GATAD2A: variants seen among roughly 807,000 people sequenced by gnomAD.
GATAD2A encodes GATA zinc finger domain containing 2A, also known as transcriptional repressor p66-alpha.
In GATAD2A, 12 loss-of-function variants were observed where a neutral mutation model predicts 68.5. The ratio of observed to expected loss-of-function variants is 0.18; its 90% CI spans 0.11 to 0.28. The LOEUF (loss-of-function observed/expected upper bound fraction) is 0.28, where lower values mean the gene tolerates loss of function less well. GATAD2A is among the 10% of genes least tolerant of loss of function. The pLI, the probability that GATAD2A is intolerant of heterozygous loss-of-function variation, is 1.00. For synonymous variants in GATAD2A, 410 were observed against 375.3 expected (o/e 1.09, Z -1.07); for missense variants, 755 against 868.5 (o/e 0.87, Z 1.64).
chr19:19,387,192 C>T (rs2146779313), intron 1 of GATAD2A, among the ~76,000 whole-genome samples: 1 of 151,984 alleles, frequency 6.6e-6, no homozygotes, highest in African/African-American at 2.4e-5. Context: ...CCCTGGGGAA[C>T]CCCTTCTTCC....
intron 1 of GATAD2A, among the ~76,000 whole-genome samples, chr19:19,411,880 A>T (rs1414693160): frequency 6.6e-6 from 1 of 152,200 alleles, no homozygotes; most frequent in African/African-American, 2.4e-5. Context: ...TGTAACACTC[A>T]GATTGAGGAG....
At chr19:19,451,841 G>T (rs777326215) in intron 1 of GATAD2A, among the ~76,000 whole-genome samples, 2 of 152,204 alleles carry the variant, frequency 1.3e-5, no homozygotes, top group South Asian at 2.1e-4. Context: ...GCAGAAGAAA[G>T]ACTTTTTTTC....
intron 1 of GATAD2A, among the ~76,000 whole-genome samples, chr19:19,417,085 T>C (rs775912270): frequency 6.6e-6 from 1 of 152,208 alleles, no homozygotes; most frequent in Non-Finnish European, 1.5e-5. Flanking sequence ...TTAAAGTTAA[T>C]CCGTTGACAT....
Position 19,495,718 on chromosome 19 carries a change from G to T in GATAD2A, c.625-36G>T, listed in dbSNP as rs74680676. ...CTTTAAAAAAAGTGTGGGGGGGTCCGGTCCATGTAAATCTGGGTCTTGGTA... is the reference window on the plus strand; with the variant it reads ...CTTTAAAAAAAGTGTGGGGGGGTCCTGTCCATGTAAATCTGGGTCTTGGTA... On this transcript the variant is annotated intron_variant, in intron 5 of 11. Transcript: ENST00000683918. 5.8e-5 allele frequency: 92 copies of T among 1,576,344 alleles called. 1 individual carries two copies. Among genetic ancestry groups the T allele is most frequent in the Non-Finnish European group, 7.5e-5 (86 of 1,153,718 alleles).
Position 19,462,424 on chromosome 19 carries a change from T to C in GATAD2A, c.-6-2916T>C, listed in dbSNP as rs73530433. On this transcript the variant is annotated intron_variant, in intron 1 of 11. Coordinates refer to ENST00000683918, the MANE Select transcript of GATAD2A (RefSeq NM_001384528.1). ...CCACCCCCTCCAGCTGTGCCTGTCC[T>C]TCCTGAGGTGGGGGAGGGGTGCCGC... 7.0e-3 allele frequency among the ~76,000 whole-genome samples: 1,066 copies of C among 152,342 alleles called. 11 individuals are homozygous for C. The highest frequency in any genetic ancestry group is 0.024 in the African/African-American group (981 of 41,584).
chr19:19,387,823 C>G (rs1373052684), intron 1 of GATAD2A, among the ~76,000 whole-genome samples: 1 of 152,136 alleles, frequency 6.6e-6, no homozygotes, highest in Non-Finnish European at 1.5e-5. Flanking sequence ...TTCCCCTTAA[C>G]TTGAGATATC....
intron 3 of GATAD2A, 48 bp downstream of exon 3, chr19:19,492,486 T>C: frequency 1.2e-6 from 2 of 1,612,896 alleles, no homozygotes; most frequent in Admixed American, 1.7e-5. Flanking sequence ...GTGCCCTTCC[T>C]ACTCATGACA....
intron 1 of GATAD2A, among the ~76,000 whole-genome samples, chr19:19,460,672 C>G (rs964126389): frequency 6.6e-6 from 1 of 152,186 alleles, no homozygotes; most frequent in Non-Finnish European, 1.5e-5. Context: ...AAAGCCAGCC[C>G]CACTGGTCCA....
rs949795132 is a variant in GATAD2A, at chr19:19,407,363, C to T, written c.-7+1344C>T. Among the ~76,000 whole-genome samples the T allele has an allele frequency of 2.0e-5, 3 of 152,362 alleles. No homozygotes were observed. In the South Asian group the frequency reaches 6.2e-4, roughly 32 times the overall value. ...CATACTAGCCCTCGGGTTTGAGTGC[C>T]TACTGTGTGCTAAGCTCCCCTGCAC... On this transcript the variant is annotated intron_variant, in intron 1 of 11. Transcript: ENST00000683918.
At chr19:19,420,871 G>A (rs144757334) in intron 1 of GATAD2A, among the ~76,000 whole-genome samples, 16 of 152,308 alleles carry the variant, frequency 1.1e-4, no homozygotes, top group Non-Finnish European at 2.2e-4. Flanking sequence ...GGCATGTAAC[G>A]TGTTGGCACA....
intron 1 of GATAD2A, among the ~76,000 whole-genome samples, chr19:19,406,355 G>T (rs548813062): frequency 6.6e-6 from 1 of 151,476 alleles, no homozygotes; most frequent in Non-Finnish European, 1.5e-5. Flanking sequence ...GGTCGGGACG[G>T]GTGGAGGCGG....
rs943834920 is a variant in GATAD2A, at chr19:19,485,307, C to T, written c.270-6999C>T. ...GTGGTTTAAAGCAGCGAGGTATTGACGTTTTTCAGTCTGTCAGTTCTGCTG... is the reference window on the plus strand; with the variant it reads ...GTGGTTTAAAGCAGCGAGGTATTGATGTTTTTCAGTCTGTCAGTTCTGCTG... On this transcript the variant is annotated intron_variant, in intron 2 of 11. Transcript: ENST00000683918. 1.3e-4 allele frequency among the ~76,000 whole-genome samples: 20 copies of T among 152,344 alleles called. No individual in the cohort carries two copies. In the East Asian group the frequency reaches 2.7e-3, roughly 21 times the overall value.
At chr19:19,423,841 G>T (rs1301092071) in intron 1 of GATAD2A, among the ~76,000 whole-genome samples, 1 of 152,144 alleles carries the variant, frequency 6.6e-6, no homozygotes, top group Non-Finnish European at 1.5e-5. Flanking sequence ...GGACAGCACT[G>T]ACCTTGCTGC....
chr19:19,452,449 T>A (rs2056489529), intron 1 of GATAD2A, among the ~76,000 whole-genome samples: 1 of 152,084 alleles, frequency 6.6e-6, no homozygotes, highest in Non-Finnish European at 1.5e-5. Flanking sequence ...CGTCTCCTGT[T>A]TTTGTAAAAT....
At chr19:19,408,582 A>G (rs1035938253) in intron 1 of GATAD2A, among the ~76,000 whole-genome samples, 1 of 151,748 alleles carries the variant, frequency 6.6e-6, no homozygotes, top group African/African-American at 2.4e-5. Flanking sequence ...CTAATTTTCA[A>G]CTCTTCAGTA....
chr19:19,423,842 A>G (rs2052729349), intron 1 of GATAD2A, among the ~76,000 whole-genome samples: 1 of 151,894 alleles, frequency 6.6e-6, no homozygotes, highest in African/African-American at 2.4e-5. Flanking sequence ...GACAGCACTG[A>G]CCTTGCTGCT....
upstream of GATAD2A, among the ~76,000 whole-genome samples, chr19:19,405,534 G>A (rs2050112215): frequency 6.6e-6 from 1 of 152,082 alleles, no homozygotes; most frequent in Non-Finnish European, 1.5e-5. Context: ...GAGGTGTCGC[G>A]TGGGAGCGCG....
At chr19:19,490,588 G>A (rs2059723256) in intron 2 of GATAD2A, among the ~76,000 whole-genome samples, 1 of 152,136 alleles carries the variant, frequency 6.6e-6, no homozygotes, top group Non-Finnish European at 1.5e-5. Flanking sequence ...GTCCTTGGCT[G>A]GTTTTCCTGC....
At chr19:19,396,938 A>G (rs1317513139) in intron 1 of GATAD2A, among the ~76,000 whole-genome samples, 3 of 151,908 alleles carry the variant, frequency 2.0e-5, no homozygotes, top group African/African-American at 7.3e-5. Context: ...CAAACTCCTG[A>G]CCTCGTAATC....
Sources: allele counts gnomAD v4.1 joint callset (sites outside exome capture counted in the v4.1 genomes callset), GRCh38; gene constraint gnomAD v4.1.1; transcripts MANE v1.5; gene names NCBI Gene and HGNC (gene_info 2026-07-23, HGNC 2026-07-21).